The following ACAD8 variants were observed in gnomAD, a reference collection of about 807,000 sequenced individuals.
The protein encoded by ACAD8 is isobutyryl-CoA dehydrogenase, mitochondrial.
ACAD8 carries 47 observed loss-of-function variants against 53.1 expected under a neutral mutation model. That is an observed-to-expected ratio of 0.89 (90% CI 0.70 to 1.13). The LOEUF is 1.13. ACAD8 is among the 50% of genes most tolerant of loss of function. The pLI, the probability that ACAD8 is intolerant of heterozygous loss-of-function variation, is 0.00. For synonymous variants in ACAD8, 198 were observed against 201.3 expected, an observed-to-expected ratio of 0.98 and a Z score of 0.14; for missense variants, 494 against 535.0, an observed-to-expected ratio of 0.92 and a Z score of 0.76.
chr11:134,255,893 A>G (rs547901583), intron 1 of ACAD8, among the ~76,000 whole-genome samples: 5 of 152,188 alleles, frequency 3.3e-5, no homozygotes, highest in African/African-American at 1.2e-4. Flanking sequence ...TAGTCTTCCC[A>G]TAGTGCTCTT....
Position 134,258,972 on chromosome 11 carries a change from T to C in ACAD8, c.491-36T>C, listed in dbSNP as rs12801902. On this transcript the variant is annotated intron_variant, in intron 4 of 10. Transcript: ENST00000281182. Reference sequence around the variant, plus strand: ...GGCTCCCTCGACCTCACTGACTTTCTCACCTTCTCTCTGCTGCCTTTTGAT... The same window carrying C: ...GGCTCCCTCGACCTCACTGACTTTCCCACCTTCTCTCTGCTGCCTTTTGAT... 0.037 allele frequency: 57,564 copies of C among 1,573,252 alleles called. 1,236 individuals are homozygous for C. The highest frequency in any genetic ancestry group is 0.043 in the African/African-American group (3,224 of 74,228).
At chr11:134,254,604 G>A (rs1057350306) in intron 1 of ACAD8, among the ~76,000 whole-genome samples, 6 of 152,162 alleles carry the variant, frequency 3.9e-5, no homozygotes, top group African/African-American at 7.2e-5. Flanking sequence ...TCTTCTGAAT[G>A]TCCTAAAACT....
chr11:134,258,125 C>T, intron 3 of ACAD8: 3 of 331,712 alleles, frequency 9.0e-6, no homozygotes, highest in Non-Finnish European at 1.8e-5. Flanking sequence ...GCTGGGATTA[C>T]AGATGTGAGC....
intron 1 of ACAD8, among the ~76,000 whole-genome samples, chr11:134,254,248 T>A (rs1057043043): frequency 1.3e-5 from 2 of 152,218 alleles, no homozygotes; most frequent in Non-Finnish European, 2.9e-5. Context: ...CTCCAGGTCA[T>A]ACAAGATTTG....
rs542185860 is a variant in ACAD8, at chr11:134,262,592, C to T, written c.1165C>T (p.Arg389Trp). ...GGATTACGCTGTTCAGCAGTACGTGCGGGACTCCAGGGTCCACCAGATTCT... is the reference window on the plus strand; with the variant it reads ...GGATTACGCTGTTCAGCAGTACGTGTGGGACTCCAGGGTCCACCAGATTCT... ...LKDYAVQQYVRDSRVHQILEG... is the reference protein window; with the variant it reads ...LKDYAVQQYVWDSRVHQILEG... The change falls in exon 10 of 11, where the codon CGG (arginine) becomes TGG (tryptophan). Residue 389 changes from arginine (R) to tryptophan (W), a missense_variant. Physicochemically the swap from Arg to Trp is moderately radical, Grantham distance 101. Coordinates refer to ENST00000281182, the MANE Select transcript of ACAD8 (RefSeq NM_014384.3). 4.5e-5 allele frequency: 72 copies of T among 1,613,782 alleles called. No individual in the cohort carries two copies. Among genetic ancestry groups the T allele is most frequent in the Admixed American group, 8.3e-5 (5 of 59,988 alleles).
chr11:134,264,756 T>C, intron 10 of ACAD8, 152 bp from the exon 11 acceptor site: 1 of 766,696 alleles, frequency 1.3e-6, no homozygotes, highest in Non-Finnish European at 2.4e-6. Flanking sequence ...TAGAGAAGTC[T>C]CTGATAATCT....
In ACAD8 at chr11:134,257,125, A is replaced by G; in HGVS notation, c.248A>G (p.Gln83Arg). 5 of 1,614,212 alleles carry G rather than the reference A, an allele frequency of 3.1e-6. No individual in the cohort carries two copies. The highest frequency in any genetic ancestry group is 3.4e-6 in the Non-Finnish European group (4 of 1,180,046). ...FPVDVMRKAA[Q>R]LGFGGVYIQT... The stretch of plus-strand genomic sequence containing the variant: ...GTGGATGTGATGCGGAAGGCAGCCC[A>G]GCTAGGCTTCGGAGGGGTCTACATA... Residue 83 changes from glutamine to arginine, a missense_variant, in exon 3 of 11, where the codon CAG (glutamine) becomes CGG (arginine). By Grantham distance (43) the Gln-to-Arg change is conservative. Coordinates refer to ENST00000281182, the MANE Select transcript of ACAD8 (RefSeq NM_014384.3).
At position 134,256,607 on chromosome 11, in the gene ACAD8, G is replaced by A; in HGVS notation, c.169G>A (p.Ala57Thr). The change falls in exon 2 of 11, where the codon GCC (alanine) becomes ACC (threonine). Residue 57 changes from alanine to threonine, a missense_variant. Physicochemically the swap from Ala to Thr is moderately conservative, Grantham distance 58 (BLOSUM62 0). Transcript: ENST00000281182. Reference sequence around the variant, plus strand: ...TCAAAAAGTGGCCTTTGACTTTGCTGCCCGAGAGATGGCTCCAAATATGGC... The same window carrying A: ...TCAAAAAGTGGCCTTTGACTTTGCTACCCGAGAGATGGCTCCAAATATGGC... ...EFQKVAFDFA[A>T]REMAPNMAEW... 6.2e-7 allele frequency: 1 copy of A among 1,614,208 alleles called. No individual in the cohort carries two copies. Among genetic ancestry groups the A allele is most frequent in the Non-Finnish European group, 8.5e-7 (1 of 1,180,036 alleles).
chr11:134,263,939 A>G, intron 10 of ACAD8: 2 of 985,470 alleles, frequency 2.0e-6, no homozygotes, highest in African/African-American at 3.5e-5. Context: ...CCACTGCTAA[A>G]AATGAAGCAA....
intron 10 of ACAD8, chr11:134,263,812 T>C: frequency 5.1e-6 from 5 of 985,482 alleles, no homozygotes; most frequent in Non-Finnish European, 6.0e-6. Context: ...CTCATCACTG[T>C]ATCACTTTGT....
At chr11:134,253,999 C>G (rs1461462037) in intron 1 of ACAD8, among the ~76,000 whole-genome samples, 1 of 147,656 alleles carries the variant, frequency 6.8e-6, no homozygotes, top group African/African-American at 2.5e-5. Flanking sequence ...CACCCCCGCC[C>G]CGGTCCTCCT....
At chr11:134,260,117 G>A (rs1245280806) in intron 6 of ACAD8, 5 of 1,177,422 alleles carry the variant, frequency 4.2e-6, no homozygotes, top group Non-Finnish European at 5.3e-6. Flanking sequence ...TGGAAGGCGT[G>A]TGGTCCCTTT....
chr11:134,258,757 A>G, intron 4 of ACAD8, 133 bp downstream of exon 4: 1 of 796,278 alleles, frequency 1.3e-6, no homozygotes, highest in South Asian at 1.5e-5. Context: ...GAGGAGTAAT[A>G]GAGTCCTGTG....
intron 10 of ACAD8, 148 bp from the exon 11 acceptor site, chr11:134,264,760 A>G: frequency 1.3e-6 from 1 of 781,896 alleles, no homozygotes; most frequent in Non-Finnish European, 2.3e-6. Context: ...GAAGTCTCTG[A>G]TAATCTCATC....
At position 134,258,419 on chromosome 11, in the gene ACAD8, G is replaced by T. The variant is rs11223738; in HGVS notation, c.381-96G>T. 0.33 allele frequency: 272,140 copies of T among 815,402 alleles called. 46,049 individuals carry two copies. Among genetic ancestry groups the T allele is most frequent in the Admixed American group, 0.37 (18,406 of 50,024 alleles). 50.5% of individuals were successfully genotyped at this position (815,402 alleles called of 1,614,324 possible). A position where few individuals can be genotyped will look rare whatever the true frequency, so the allele number is the denominator to read the frequency against. On this transcript the variant is annotated intron_variant, in intron 3 of 10. Transcript: ENST00000281182. ...TCCCACTCTTCTGCTTTACTCCACT[G>T]CCCTGCCCTTTGTTCTCTTTCCCCT...
In ACAD8 at chr11:134,259,056, G is replaced by C. The variant is rs754690770; in HGVS notation, c.539G>C (p.Gly180Ala). ...ASLLTSAKKQ[G>A]DHYILNGSKA... ...CTTCTGACCTCCGCTAAGAAACAGG[G>C]AGATCATTACATCCTCAATGGCTCC... is the stretch of plus-strand genomic sequence containing the variant. Residue 180 changes from glycine (G) to alanine (A), a missense_variant, in exon 5 of 11, where the codon GGA (glycine) becomes GCA (alanine). By Grantham distance (60) the Gly-to-Ala change is moderately conservative. Transcript: ENST00000281182. 6.2e-7 allele frequency: 1 copy of C among 1,614,048 alleles called. No homozygotes were observed. Among genetic ancestry groups the C allele is most frequent in the African/African-American group, 1.3e-5 (1 of 74,906 alleles).
At position 134,253,666 on chromosome 11, in the gene ACAD8, C is replaced by T. The variant is rs1451439741; in HGVS notation, c.66C>T (p.Val22=). The T allele has an allele frequency of 6.3e-7, 1 of 1,599,652 alleles. No homozygotes were observed. The highest frequency in any genetic ancestry group is 2.3e-5 in the East Asian group (1 of 44,150). ...GCTGCCTGCCCGGCGGTCTCCGGGT[C>T]CTCGTCCAGACCGGCCACCGGAGCT... The part of the protein sequence containing the change: ...RLGCLPGGLR[V]LVQTGHRSLT... The change falls in exon 1 of 11, where the codon GTC becomes GTT. Residue 22 remains valine, a synonymous_variant. Transcript: ENST00000281182.
rs1251063673 is a variant in ACAD8 at position 134,253,705 on chromosome 11, C to T, written c.105C>T (p.Ile35=). The change falls in exon 1 of 11, where the codon ATC becomes ATT. Residue 35 remains isoleucine (I), a synonymous_variant. Coordinates refer to ENST00000281182, the MANE Select transcript of ACAD8 (RefSeq NM_014384.3). ...GCCACCGGAGCTTGACCTCCTGCATCGACCGTAAGGATCTCCTGGCGGGCA... is the reference window on the plus strand; with the variant it reads ...GCCACCGGAGCTTGACCTCCTGCATTGACCGTAAGGATCTCCTGGCGGGCA... The part of the protein sequence containing the change: ...QTGHRSLTSC[I]DPSMGLNEEQ... The T allele has an allele frequency of 6.3e-7, 1 of 1,596,580 alleles. No individual in the cohort carries two copies.
chr11:134,256,519 T>C (rs768111422), intron 1 of ACAD8, 29 bp from the exon 2 acceptor site: 52 of 1,593,596 alleles, frequency 3.3e-5, no homozygotes, highest in Non-Finnish European at 4.3e-5. Context: ...GACCCTGTCC[T>C]AGAACAGTAT....
Sources: allele counts gnomAD v4.1 joint callset (sites outside exome capture counted in the v4.1 genomes callset), GRCh38; gene constraint gnomAD v4.1.1; transcripts MANE v1.5; gene names NCBI Gene and HGNC (gene_info 2026-07-23, HGNC 2026-07-21).